The following CA10 variants were observed in gnomAD, a reference collection of about 807,000 sequenced individuals.
CA10 encodes the protein carbonic anhydrase-related protein 10.
CA10 carries 14 observed loss-of-function variants against 44.2 expected under a neutral mutation model. The observed-to-expected ratio is 0.32, with a 90% confidence interval of 0.21 to 0.50. The LOEUF (loss-of-function observed/expected upper bound fraction) is 0.50. CA10 is among the 20% of genes least tolerant of loss of function. CA10 has a pLI of 0.99. For missense variants in CA10, 350 were observed against 409.7 expected (o/e 0.85, Z 1.26); for synonymous variants, 159 against 141.6 (o/e 1.12, Z -0.87).
intron 6 of CA10, among the ~76,000 whole-genome samples, chr17:51,643,336 A>G (rs2143244391): frequency 6.6e-6 from 1 of 152,368 alleles, no homozygotes; most frequent in East Asian, 1.9e-4. Context: ...TTAAAAAATT[A>G]AAATACTTCA....
chr17:51,952,547 C>T (rs1034443564), intron 2 of CA10, among the ~76,000 whole-genome samples: 1 of 58,094 alleles, frequency 1.7e-5, no homozygotes, highest in Non-Finnish European at 3.6e-5. Flanking sequence ...AGAGAGGGAC[C>T]CTGTCTCAAA....
intron 2 of CA10, among the ~76,000 whole-genome samples, chr17:51,966,887 T>G (rs1984098181): frequency 6.6e-6 from 1 of 151,928 alleles, no homozygotes; most frequent in South Asian, 2.1e-4. Context: ...ATAAAAGAGC[T>G]TCTGTACAGC....
chr17:51,987,903 G>C (rs918395236), intron 2 of CA10, among the ~76,000 whole-genome samples: 1 of 151,960 alleles, frequency 6.6e-6, no homozygotes, highest in African/African-American at 2.4e-5. Context: ...ATATAGGTCA[G>C]AAACTCAGGT....
At chr17:51,694,765 T>C (rs1915342994) in intron 4 of CA10, among the ~76,000 whole-genome samples, 1 of 152,188 alleles carries the variant, frequency 6.6e-6, no homozygotes, top group Admixed American at 6.5e-5. Flanking sequence ...TAGGTTTTCT[T>C]CTGGGATTCT....
intron 3 of CA10, among the ~76,000 whole-genome samples, chr17:51,820,986 A>G (rs958158912): frequency 4.0e-5 from 6 of 150,802 alleles, no homozygotes; most frequent in Non-Finnish European, 7.4e-5. Flanking sequence ...TAGCTGATTA[A>G]TTTCTTCAAA....
At chr17:52,016,544 T>A (rs1233219764) in intron 2 of CA10, among the ~76,000 whole-genome samples, 3 of 152,102 alleles carry the variant, frequency 2.0e-5, no homozygotes, top group Non-Finnish European at 2.9e-5. Context: ...GGGTGGATCC[T>A]CATAAATGTC....
At chr17:51,888,850 AT>A (rs1980729403) in intron 3 of CA10, among the ~76,000 whole-genome samples, 1 of 152,206 alleles carries the variant, frequency 6.6e-6, no homozygotes, top group Admixed American at 6.5e-5. Flanking sequence ...ATTTATTATT[AT>A]AACTCATGGT....
chr17:51,699,573 G>A (rs1915520922), intron 4 of CA10, among the ~76,000 whole-genome samples: 1 of 152,070 alleles, frequency 6.6e-6, no homozygotes. Flanking sequence ...TCCCTCGAGA[G>A]CATAAGAAAA....
chr17:51,817,665 G>A (rs529345561), intron 3 of CA10, among the ~76,000 whole-genome samples: 1 of 152,278 alleles, frequency 6.6e-6, no homozygotes, highest in South Asian at 2.1e-4. Context: ...TGTTTCCTTT[G>A]ATGAGGTAGG....
At position 52,073,317 on chromosome 17, in the gene CA10, C is replaced by CAATAGAAA. The variant is rs369214993; in HGVS notation, c.62-925_62-924insTTTCTATT. 6.0e-3 allele frequency among the ~76,000 whole-genome samples: 912 copies of CAATAGAAA among 152,198 alleles called. 7 individuals carry two copies. The highest frequency in any genetic ancestry group is 0.021 in the African/African-American group (870 of 41,516). On this transcript the variant is annotated intron_variant, in intron 1 of 8. Transcript: ENST00000451037. ...TGAGTTAGAAAGAATGGGTATAAGA[C>CAATAGAAA]AATGGGTTTGAATGCAAGGCTTTGT...
intron 1 of CA10, among the ~76,000 whole-genome samples, chr17:52,146,567 G>A (rs1989590758): frequency 6.6e-6 from 1 of 151,974 alleles, no homozygotes; most frequent in South Asian, 2.1e-4. Context: ...GCGGGCGCCT[G>A]TAGTCCCAGC....
Position 51,855,678 on chromosome 17 carries a change from G to A in CA10, c.279+75312C>T, listed in dbSNP as rs551417043. Among the ~76,000 whole-genome samples the A allele has an allele frequency of 1.2e-4, 19 of 152,352 alleles. No individual in the cohort carries two copies. In the South Asian group the frequency reaches 3.5e-3, roughly 28 times the overall value. On this transcript the variant is annotated intron_variant, in intron 3 of 8. Transcript: ENST00000451037. ...AGGTAATGCATGAAGGCAATTAGGT[G>A]CTGGCTCGTCTCTTCAACATTCATG... is the stretch of plus-strand genomic sequence containing the variant.
intron 4 of CA10, among the ~76,000 whole-genome samples, chr17:51,669,611 T>C (rs1426315236): frequency 2.0e-5 from 3 of 152,148 alleles, no homozygotes; most frequent in Non-Finnish European, 4.4e-5. Context: ...GCTTCACTCC[T>C]GAAGCCAGCG....
intron 2 of CA10, among the ~76,000 whole-genome samples, chr17:51,975,161 A>G (rs2144076918): frequency 6.6e-6 from 1 of 152,318 alleles, no homozygotes. Flanking sequence ...GAAATAGAAT[A>G]CTAAAGATTA....
intron 6 of CA10, among the ~76,000 whole-genome samples, chr17:51,636,469 C>CACA (rs1205441766): frequency 3.9e-5 from 6 of 152,146 alleles, no homozygotes; most frequent in Non-Finnish European, 5.9e-5. Context: ...ATGGTTAAGG[C>CACA]TGATGTTGGG....
intron 4 of CA10, among the ~76,000 whole-genome samples, chr17:51,713,344 G>A (rs1463955354): frequency 6.6e-6 from 1 of 152,196 alleles, no homozygotes; most frequent in East Asian, 1.9e-4. Flanking sequence ...CAAGGGCATA[G>A]ATGTTTAATA....
intron 3 of CA10, among the ~76,000 whole-genome samples, chr17:51,821,232 C>CTCCT (rs1165752646): frequency 6.8e-6 from 1 of 147,472 alleles, no homozygotes; most frequent in East Asian, 2.1e-4. Context: ...AATGAAAAAG[C>CTCCT]TCCTTCCCTT....
At chr17:51,960,504 A>C (rs997360408) in intron 2 of CA10, among the ~76,000 whole-genome samples, 3 of 152,224 alleles carry the variant, frequency 2.0e-5, no homozygotes, top group African/African-American at 7.2e-5. Context: ...AACAACAAGT[A>C]AAACAAACAC....
At chr17:52,152,115 C>T (rs922742316) in intron 1 of CA10, among the ~76,000 whole-genome samples, 9 of 151,866 alleles carry the variant, frequency 5.9e-5, no homozygotes, top group African/African-American at 1.7e-4. Context: ...TCACCCCCTA[C>T]GAAAAAATTC....
Sources: gnomAD v4.1 joint callset for allele counts (sites outside exome capture counted in the v4.1 genomes callset) on GRCh38, gnomAD v4.1.1 for gene constraint, MANE v1.5 for transcripts, NCBI Gene and HGNC (gene_info 2026-07-23, HGNC 2026-07-21) for gene names.